Variants in SLC15A5 observed in about 807,000 individuals in gnomAD.
The protein encoded by SLC15A5 is Peptide/histidine transporter ENSP00000340402.
SLC15A5 carries 58 observed loss-of-function variants against 56.1 expected under a neutral mutation model. That is an observed-to-expected ratio of 1.03 (90% CI 0.84 to 1.29). The LOEUF is 1.29. Ranked by LOEUF, SLC15A5 falls within the 50% of genes most tolerant of loss-of-function variation. The pLI is 0.00. For synonymous variants in SLC15A5, 264 were observed against 250.5 expected, an observed-to-expected ratio of 1.05 and a Z score of -0.51; for missense variants, 681 against 672.1, an observed-to-expected ratio of 1.01 and a Z score of -0.15.
At chr12:16,210,996 G>A (rs867421923) in intron 7 of SLC15A5, among the ~76,000 whole-genome samples, 1 of 152,258 alleles carries the variant, frequency 6.6e-6, no homozygotes, top group Middle Eastern at 3.4e-3. Flanking sequence ...GAGTTATTGG[G>A]GCCCTGCTGA....
Position 16,272,581 on chromosome 12 carries a change from T to C in SLC15A5, c.564A>G (p.Lys188=), listed in dbSNP as rs1489571080. Residue 188 remains lysine (K), a synonymous_variant, in exon 2 of 9, where the codon AAA becomes AAG. Coordinates refer to ENST00000344941, the MANE Select transcript of SLC15A5 (RefSeq NM_001170798.1). ...AFGLQEYGSQ[K]TMSFFNWFYW... Reference sequence around the variant, plus strand: ...CTTACCAGTTAAAAAAAGACATCGTTTTTTGTGATCCATACTCCTGAAGGC... The same window carrying C: ...CTTACCAGTTAAAAAAAGACATCGTCTTTTGTGATCCATACTCCTGAAGGC... The C allele has an allele frequency of 1.3e-6, 2 of 1,536,740 alleles. No individual in the cohort carries two copies. The highest frequency in any genetic ancestry group is 2.4e-5 in the East Asian group (1 of 40,920).
chr12:16,192,270 CCTCT>C (rs1270744872), intron 8 of SLC15A5, among the ~76,000 whole-genome samples: 3 of 152,138 alleles, frequency 2.0e-5, no homozygotes, highest in Admixed American at 6.6e-5. Flanking sequence ...TTTGTTTCTT[CCTCT>C]CTCTCTATCT....
intron 7 of SLC15A5, among the ~76,000 whole-genome samples, chr12:16,211,526 G>A (rs1339093775): frequency 2.6e-5 from 4 of 151,894 alleles, no homozygotes; most frequent in African/African-American, 4.8e-5. Flanking sequence ...ATTTTGCTTC[G>A]GATCTTTCAA....
At chr12:16,208,431 G>C (rs1864042740) in intron 7 of SLC15A5, among the ~76,000 whole-genome samples, 1 of 152,172 alleles carries the variant, frequency 6.6e-6, no homozygotes, top group Non-Finnish European at 1.5e-5. Context: ...ATCTACTGGG[G>C]AGACTGAGGT....
Position 16,243,738 on chromosome 12 carries a change from G to A in SLC15A5, c.975+842C>T, listed in dbSNP as rs1306637077. Among the ~76,000 whole-genome samples the A allele has an allele frequency of 1.3e-5, 2 of 152,032 alleles. No homozygotes were observed. The highest frequency in any genetic ancestry group is 4.1e-4 in the South Asian group (2 of 4,822). ...TACACTACTATTAACTGTGACCTAC[G>A]GTGCCTCACCTCTACCAAAAGAAAG... is the stretch of plus-strand genomic sequence containing the variant. On this transcript the variant is annotated intron_variant, in intron 4 of 8. Transcript: ENST00000344941. This position sits in a 1 kb window ranked among gnomAD's most constrained non-coding sequence, Gnocchi z 4.4.
chr12:16,207,240 A>G (rs553283830), intron 7 of SLC15A5, among the ~76,000 whole-genome samples: 3 of 152,338 alleles, frequency 2.0e-5, no homozygotes, highest in Middle Eastern at 3.4e-3. Flanking sequence ...AAATCAGTCT[A>G]TAAGTGGGTT....
intron 8 of SLC15A5, among the ~76,000 whole-genome samples, chr12:16,190,979 T>C (rs1003508687): frequency 1.3e-5 from 2 of 152,094 alleles, no homozygotes; most frequent in Non-Finnish European, 2.9e-5. Flanking sequence ...ACACCTGAAA[T>C]TTCTTTTTAT....
intron 4 of SLC15A5, among the ~76,000 whole-genome samples, chr12:16,241,158 G>C (rs570281071): frequency 6.6e-6 from 1 of 152,092 alleles, no homozygotes; most frequent in East Asian, 1.9e-4. Flanking sequence ...ATTCCCAGTG[G>C]TACACAAAGC....
Position 16,269,614 on chromosome 12 carries a change from A to G in SLC15A5, c.584+2947T>C, listed in dbSNP as rs1864730293. ...AATTTGAGTAAGTGTTAAAATCAGAATATTTCAGATACCATGTAGAGTCAA... is the reference window on the plus strand; with the variant it reads ...AATTTGAGTAAGTGTTAAAATCAGAGTATTTCAGATACCATGTAGAGTCAA... On this transcript the variant is annotated intron_variant, in intron 2 of 8. Transcript: ENST00000344941. This position sits in a 1 kb window ranked among gnomAD's most constrained non-coding sequence, Gnocchi z 4.7. Among the ~76,000 whole-genome samples the G allele has an allele frequency of 6.6e-6, 1 of 152,208 alleles. No homozygotes were observed. Among genetic ancestry groups the G allele is most frequent in the Admixed American group, 6.5e-5 (1 of 15,282 alleles).
At chr12:16,200,665 A>G (rs1288240155) in intron 7 of SLC15A5, among the ~76,000 whole-genome samples, 1 of 152,148 alleles carries the variant, frequency 6.6e-6, no homozygotes, top group Admixed American at 6.6e-5. Flanking sequence ...CAATGAAGAA[A>G]TGAAACCCAC....
In SLC15A5 at chr12:16,196,713, G is replaced by T. The variant is rs1863897735; in HGVS notation, c.1484-2260C>A. Reference sequence around the variant, plus strand: ...GTATGTGAAGCTTCAGAATTAACATGACATTAATTCTTCTTGGAGCATGAA... The same window carrying T: ...GTATGTGAAGCTTCAGAATTAACATTACATTAATTCTTCTTGGAGCATGAA... On this transcript the variant is annotated intron_variant, in intron 7 of 8. Transcript: ENST00000344941. The surrounding 1 kb of genome is among the most constrained non-coding windows in gnomAD (Gnocchi z 4.0). Among the ~76,000 whole-genome samples, 2 of 152,060 alleles carry T rather than the reference G, an allele frequency of 1.3e-5. No individual in the cohort carries two copies. Among genetic ancestry groups the T allele is most frequent in the South Asian group, 4.1e-4 (2 of 4,828 alleles).
At chr12:16,272,398 G>C (rs1411850328) in intron 2 of SLC15A5, among the ~76,000 whole-genome samples, 163 bp downstream of exon 2, 3 of 152,112 alleles carry the variant, frequency 2.0e-5, no homozygotes, top group Non-Finnish European at 4.4e-5. Flanking sequence ...ATGAGACTTA[G>C]AAGCTCCTGT....
At chr12:16,192,887 T>C (rs929617864) in intron 8 of SLC15A5, among the ~76,000 whole-genome samples, 1 of 152,152 alleles carries the variant, frequency 6.6e-6, no homozygotes, top group Non-Finnish European at 1.5e-5. Flanking sequence ...ATTTTTATCA[T>C]TTCCATTTTT....
At chr12:16,230,060 A>G (rs1434156583) in intron 5 of SLC15A5, among the ~76,000 whole-genome samples, 2 of 152,156 alleles carry the variant, frequency 1.3e-5, no homozygotes, top group Non-Finnish European at 2.9e-5. Context: ...AATAAATAAT[A>G]TAGAAGCATC....
intron 7 of SLC15A5, among the ~76,000 whole-genome samples, chr12:16,197,952 T>C (rs1312481526): frequency 6.6e-6 from 1 of 152,100 alleles, no homozygotes; most frequent in African/African-American, 2.4e-5. Context: ...AAAGGAGACA[T>C]AGTGAAGACT....
chr12:16,269,653 T>C lies in SLC15A5; in HGVS notation c.584+2908A>G, dbSNP rs573392722. ...ATGTAGAGTCAATTTGAGTACCAGA[T>C]AGTCAACATTTCTGGGGTGAAATAA... On this transcript the variant is annotated intron_variant, in intron 2 of 8. Transcript: ENST00000344941. This position sits in a 1 kb window ranked among gnomAD's most constrained non-coding sequence, Gnocchi z 4.7. Among the ~76,000 whole-genome samples the C allele has an allele frequency of 1.5e-4, 23 of 152,206 alleles. No individual in the cohort carries two copies. Among genetic ancestry groups the C allele is most frequent in the Non-Finnish European group, 3.2e-4 (22 of 68,028 alleles).
chr12:16,213,783 A>G (rs761357866), intron 7 of SLC15A5, among the ~76,000 whole-genome samples: 1 of 152,164 alleles, frequency 6.6e-6, no homozygotes, highest in Non-Finnish European at 1.5e-5. Context: ...GCCCCACCCC[A>G]CAACCCATCT....
At chr12:16,229,838 G>T (rs986878281) in intron 5 of SLC15A5, among the ~76,000 whole-genome samples, 5 of 152,148 alleles carry the variant, frequency 3.3e-5, no homozygotes, top group Admixed American at 6.5e-5. Context: ...GAAAGCAAGG[G>T]GTTGAACAAT....
rs1290721913 is a variant in SLC15A5, at chr12:16,275,334, C to T, written c.361+1991G>A. On this transcript the variant is annotated intron_variant, in intron 1 of 8. Transcript: ENST00000344941. Reference sequence around the variant, plus strand: ...GGAGAAGTTAGCAAGGTTGGGGTTGCGTGTTGAACAACAAGTCTAGAGAGG... The same window carrying T: ...GGAGAAGTTAGCAAGGTTGGGGTTGTGTGTTGAACAACAAGTCTAGAGAGG... Among the ~76,000 whole-genome samples, 10 of 151,968 alleles carry T rather than the reference C, an allele frequency of 6.6e-5. No individual in the cohort carries two copies. In the South Asian group the frequency reaches 8.3e-4, roughly 13 times the overall value.
Sources: allele counts gnomAD v4.1 joint callset (sites outside exome capture counted in the v4.1 genomes callset), GRCh38; gene constraint gnomAD v4.1.1; non-coding constraint Gnocchi (gnomAD v3.1); transcripts MANE v1.5; gene names NCBI Gene and HGNC (gene_info 2026-07-23, HGNC 2026-07-21).